PLPPR5: variants seen among roughly 807,000 people sequenced by gnomAD.
PLPPR5 encodes phospholipid phosphatase-related protein type 5.
Under a neutral mutation model 33.9 loss-of-function variants are expected in PLPPR5, and 16 were observed. That is an observed-to-expected ratio of 0.47 (90% confidence interval 0.32 to 0.72). PLPPR5 has a LOEUF of 0.72. Among genes scored for constraint, PLPPR5 ranks in the 30% least tolerant of loss-of-function variants. PLPPR5 has a pLI of 0.03. For synonymous variants in PLPPR5, 163 were observed against 150.3 expected (o/e 1.08, Z -0.62); for missense variants, 301 against 406.7 (o/e 0.74, Z 2.23).
chr1:98,895,106 A>AC (rs1648421623), intron 5 of PLPPR5, among the ~76,000 whole-genome samples: 1 of 152,078 alleles, frequency 6.6e-6, no homozygotes, highest in Non-Finnish European at 1.5e-5. Flanking sequence ...ACTAAAATGC[A>AC]CATGTTGGAA....
intron 3 of PLPPR5, among the ~76,000 whole-genome samples, chr1:98,941,335 GA>G (rs1410476147): frequency 6.6e-6 from 1 of 151,878 alleles, no homozygotes; most frequent in African/African-American, 2.4e-5. Context: ...ACAAGGATCT[GA>G]AGAGGCTCTT....
At chr1:98,908,793 G>T (rs1457381263) in intron 5 of PLPPR5, among the ~76,000 whole-genome samples, 1 of 152,170 alleles carries the variant, frequency 6.6e-6, no homozygotes, top group Non-Finnish European at 1.5e-5. Flanking sequence ...CTATCGCCAA[G>T]ATTTCCATGC....
intron 1 of PLPPR5, among the ~76,000 whole-genome samples, chr1:98,995,221 C>T (rs1184878916): frequency 6.6e-6 from 1 of 152,030 alleles, no homozygotes; most frequent in African/African-American, 2.4e-5. Flanking sequence ...CATCCCAGCA[C>T]TATTCACAAT....
intron 1 of PLPPR5, among the ~76,000 whole-genome samples, chr1:98,969,134 T>A (rs1427330347): frequency 6.6e-6 from 1 of 152,048 alleles, no homozygotes; most frequent in Non-Finnish European, 1.5e-5. Context: ...CCAGGGACAA[T>A]CCTAAATATC....
intron 5 of PLPPR5, among the ~76,000 whole-genome samples, chr1:98,912,905 A>G (rs1649205776): frequency 6.6e-6 from 1 of 152,152 alleles, no homozygotes; most frequent in Non-Finnish European, 1.5e-5. Context: ...ATTATTAAGT[A>G]CTTCTATCCT....
At chr1:98,937,855 T>C (rs1383502224) in intron 3 of PLPPR5, among the ~76,000 whole-genome samples, 1 of 152,210 alleles carries the variant, frequency 6.6e-6, no homozygotes, top group Non-Finnish European at 1.5e-5. Context: ...AGAACATTGA[T>C]ATAAGTTGAA....
At chr1:98,920,142 C>G (rs1042320224) in intron 4 of PLPPR5, among the ~76,000 whole-genome samples, 4 of 152,068 alleles carry the variant, frequency 2.6e-5, no homozygotes, top group South Asian at 2.1e-4. Flanking sequence ...GAGCTCAGCT[C>G]AACATTCACC....
chr1:98,989,770 G>A (rs772745722), intron 1 of PLPPR5, among the ~76,000 whole-genome samples: 13 of 152,152 alleles, frequency 8.5e-5, no homozygotes, highest in Non-Finnish European at 1.5e-4. Context: ...TTTGACCTGT[G>A]TAAGAGAAGT....
intron 5 of PLPPR5, among the ~76,000 whole-genome samples, chr1:98,914,366 AC>A (rs1649262172): frequency 6.6e-6 from 1 of 152,132 alleles, no homozygotes; most frequent in Non-Finnish European, 1.5e-5. Context: ...GCTCATTGCA[AC>A]CTTTTCCTCC....
intron 1 of PLPPR5, among the ~76,000 whole-genome samples, chr1:98,982,581 T>C (rs999147606): frequency 6.6e-6 from 1 of 152,088 alleles, no homozygotes; most frequent in Admixed American, 6.6e-5. Flanking sequence ...AAAACCAACC[T>C]CCTCTGCCTA....
chr1:98,953,355 T>TTGTGTGTGTGTGTGTGTGTG, intron 2 of PLPPR5, 35 bp from the exon 3 acceptor site: 1 of 1,378,012 alleles, frequency 7.3e-7, no homozygotes, highest in Non-Finnish European at 9.7e-7. Flanking sequence ...AACTTCTTGC[T>TTGTGTGTGTGTGTGTGTGTG]TGTGTGTGTG....
At chr1:98,902,339 G>A (rs905137768) in intron 5 of PLPPR5, among the ~76,000 whole-genome samples, 5 of 140,044 alleles carry the variant, frequency 3.6e-5, no homozygotes, top group East Asian at 2.1e-4. Context: ...TCATACACAC[G>A]TTCATTGGGT....
chr1:99,004,709 G>C lies in PLPPR5; in HGVS notation c.-38C>G. On this transcript the variant is annotated 5_prime_UTR_variant, in exon 1 of 6. Transcript: ENST00000263177. ...GGCCGGGCCGAGCCGAGCCGAGCGGGCGGTCGACGCGGTGGGCCCCCTCCC... is the reference window on the plus strand; with the variant it reads ...GGCCGGGCCGAGCCGAGCCGAGCGGCCGGTCGACGCGGTGGGCCCCCTCCC... 2.2e-6 allele frequency: 3 copies of C among 1,385,482 alleles called. No individual in the cohort carries two copies. Among genetic ancestry groups the C allele is most frequent in the Non-Finnish European group, 2.9e-6 (3 of 1,048,526 alleles). 85.8% of individuals were successfully genotyped at this position (1,385,482 alleles called of 1,614,324 possible). A position where few individuals can be genotyped will look rare whatever the true frequency, so the allele number is the denominator to read the frequency against.
chr1:98,996,266 C>T (rs1652629993), intron 1 of PLPPR5, among the ~76,000 whole-genome samples: 1 of 151,978 alleles, frequency 6.6e-6, no homozygotes, highest in South Asian at 2.1e-4. Flanking sequence ...ATTATACACA[C>T]ACATACACTA....
At chr1:98,998,013 G>C (rs971293354) in intron 1 of PLPPR5, among the ~76,000 whole-genome samples, 4 of 152,100 alleles carry the variant, frequency 2.6e-5, no homozygotes, top group African/African-American at 9.7e-5. Context: ...ACACTAACTG[G>C]TGTTATGGTT....
At chr1:98,921,747 T>C (rs1649560967) in intron 4 of PLPPR5, 135 bp downstream of exon 4, 1 of 704,868 alleles carries the variant, frequency 1.4e-6, no homozygotes, top group Non-Finnish European at 2.3e-6. Context: ...AAATGATTTG[T>C]TTTATATACT....
At chr1:98,996,669 C>G (rs183679018) in intron 1 of PLPPR5, among the ~76,000 whole-genome samples, 8 of 152,240 alleles carry the variant, frequency 5.3e-5, no homozygotes, top group African/African-American at 1.9e-4. Context: ...AACTTACCTT[C>G]TCAACCTGTA....
chr1:98,978,511 T>G (rs112085689), intron 1 of PLPPR5, among the ~76,000 whole-genome samples: 1 of 152,044 alleles, frequency 6.6e-6, no homozygotes, highest in Non-Finnish European at 1.5e-5. Flanking sequence ...AACATGCTCC[T>G]TGTCTTCAAA....
At chr1:98,927,329 CT>C (rs1357813282) in intron 3 of PLPPR5, among the ~76,000 whole-genome samples, 3 of 152,190 alleles carry the variant, frequency 2.0e-5, no homozygotes, top group Non-Finnish European at 4.4e-5. Flanking sequence ...CCTGCAAGAC[CT>C]CAAGGTCAAG....
Sources: allele counts gnomAD v4.1 joint callset (sites outside exome capture counted in the v4.1 genomes callset), GRCh38; gene constraint gnomAD v4.1.1; transcripts MANE v1.5; gene names NCBI Gene and HGNC (gene_info 2026-07-23, HGNC 2026-07-21).